The following NOL4 variants were observed in gnomAD, a reference collection of about 807,000 sequenced individuals.
NOL4 encodes the protein nucleolar protein 4, also known as cancer/testis antigen 125.
In NOL4, 17 loss-of-function variants were observed where a neutral mutation model predicts 75.9. That is an observed-to-expected ratio of 0.22 (90% confidence interval 0.15 to 0.34). The LOEUF (loss-of-function observed/expected upper bound fraction) is 0.34. Among genes scored for constraint, NOL4 ranks in the 10% least tolerant of loss-of-function variants. NOL4 has a pLI of 1.00. For missense variants in NOL4, 614 were observed against 793.5 expected, an observed-to-expected ratio of 0.77 and a Z score of 2.72; for synonymous variants, 292 against 289.9, an observed-to-expected ratio of 1.01 and a Z score of -0.07.
intron 5 of NOL4, among the ~76,000 whole-genome samples, chr18:34,030,649 C>T (rs376646429): frequency 2.0e-5 from 3 of 151,928 alleles, no homozygotes; most frequent in African/African-American, 7.3e-5. Flanking sequence ...TTTTCTGTAC[C>T]ACTTTGGATT....
Position 33,883,337 on chromosome 18 carries a change from C to T in NOL4, c.1630G>A (p.Val544Met), listed in dbSNP as rs376717934. The T allele has an allele frequency of 8.7e-6, 14 of 1,613,166 alleles. No individual in the cohort carries two copies. Among genetic ancestry groups the T allele is most frequent in the Admixed American group, 1.7e-5 (1 of 59,892 alleles). Residue 544 changes from valine (V) to methionine (M), a missense_variant, in exon 10 of 11, where the codon GTG becomes ATG. This residue lies in a region of NOL4 where 128 missense variants were observed against 159.9 expected (regional missense o/e 0.80). Transcript: ENST00000261592. ...STSAVPGSQD[V>M]LYINGNGTYS... ...GTCCCATTTCCATTGATGTACAGCA[C>T]GTCCTGTGAGCCTGGAACAGCTGAT...
chr18:34,163,507 T>C (rs567603335), intron 1 of NOL4, among the ~76,000 whole-genome samples: 47 of 152,008 alleles, frequency 3.1e-4, no homozygotes, highest in Non-Finnish European at 6.2e-4. Context: ...TCAAAGAGAA[T>C]AAAATACCTA....
intron 1 of NOL4, among the ~76,000 whole-genome samples, chr18:34,180,426 C>G (rs1370123841): frequency 6.6e-6 from 1 of 151,430 alleles, no homozygotes; most frequent in East Asian, 1.9e-4. Context: ...TGAGAAAAAT[C>G]CAACATGCTT....
At chr18:34,103,298 T>C (rs2079124740) in intron 4 of NOL4, among the ~76,000 whole-genome samples, 1 of 152,060 alleles carries the variant, frequency 6.6e-6, no homozygotes, top group African/African-American at 2.4e-5. Context: ...GCACCTATTG[T>C]ATATCTGCTA....
At chr18:34,191,879 C>T (rs970799118) in intron 1 of NOL4, among the ~76,000 whole-genome samples, 5 of 152,102 alleles carry the variant, frequency 3.3e-5, no homozygotes, top group African/African-American at 1.2e-4. Context: ...GTATATTTGT[C>T]TAATTTACCC....
intron 6 of NOL4, among the ~76,000 whole-genome samples, chr18:33,988,861 C>T (rs535642224): frequency 6.6e-6 from 1 of 152,012 alleles, no homozygotes; most frequent in Admixed American, 6.6e-5. Context: ...GAACCAAGTA[C>T]AATTTGGAAA....
intron 1 of NOL4, among the ~76,000 whole-genome samples, chr18:34,167,906 G>A (rs754048512): frequency 4.6e-5 from 7 of 151,936 alleles, no homozygotes; most frequent in South Asian, 4.1e-4. Flanking sequence ...CTACATTTTC[G>A]ACAATATCTT....
At chr18:34,200,689 T>C (rs1437490816) in intron 1 of NOL4, among the ~76,000 whole-genome samples, 1 of 151,734 alleles carries the variant, frequency 6.6e-6, no homozygotes. Flanking sequence ...ATGCAGGGCA[T>C]ACACTTAGGC....
chr18:34,068,439 C>T (rs568649177), intron 5 of NOL4, among the ~76,000 whole-genome samples: 1 of 152,038 alleles, frequency 6.6e-6, no homozygotes, highest in East Asian at 1.9e-4. Flanking sequence ...CTCACTCCGT[C>T]GCCAGGCTGG....
At chr18:33,989,186 T>G (rs1669430068) in intron 6 of NOL4, among the ~76,000 whole-genome samples, 1 of 62,442 alleles carries the variant, frequency 1.6e-5, no homozygotes, top group African/African-American at 7.7e-5. Context: ...AGACCCCATC[T>G]CTACAAAAAA....
At chr18:34,118,990 C>T (rs977433915) in intron 2 of NOL4, among the ~76,000 whole-genome samples, 3 of 152,082 alleles carry the variant, frequency 2.0e-5, no homozygotes, top group African/African-American at 7.2e-5. Context: ...CAATATGGTT[C>T]TACAGCATTA....
chr18:34,040,805 C>T (rs910355127), intron 5 of NOL4, among the ~76,000 whole-genome samples: 1 of 151,854 alleles, frequency 6.6e-6, no homozygotes, highest in African/African-American at 2.4e-5. Flanking sequence ...ATTGATACAG[C>T]CCAGAATTCA....
intron 1 of NOL4, among the ~76,000 whole-genome samples, chr18:34,187,494 A>G (rs910680994): frequency 6.8e-5 from 10 of 147,764 alleles, no homozygotes; most frequent in African/African-American, 1.0e-4. Context: ...CTCCTGCCTC[A>G]GCCTCCCGCG....
intron 1 of NOL4, among the ~76,000 whole-genome samples, chr18:34,218,402 A>G (rs1489153824): frequency 1.3e-5 from 2 of 152,168 alleles, no homozygotes; most frequent in African/African-American, 4.8e-5. Flanking sequence ...AAAAATAAAA[A>G]ACTGGTATCT....
intron 6 of NOL4, among the ~76,000 whole-genome samples, chr18:33,977,794 G>A (rs1190918347): frequency 6.6e-6 from 1 of 152,126 alleles, no homozygotes; most frequent in East Asian, 1.9e-4. Context: ...TGCAGTTACA[G>A]ACAAAATCCC....
chr18:34,023,371 G>A (rs1007772197), intron 5 of NOL4: 21 of 451,742 alleles, frequency 4.6e-5, no homozygotes, highest in Middle Eastern at 3.3e-4. Context: ...ATTTAAAATC[G>A]CGGATCTCAG....
chr18:34,118,807 T>C (rs1308542758), intron 2 of NOL4, among the ~76,000 whole-genome samples: 2 of 152,136 alleles, frequency 1.3e-5, no homozygotes, highest in Non-Finnish European at 2.9e-5. Context: ...CATTTGTCCA[T>C]GAAAAAGGAT....
intron 6 of NOL4, among the ~76,000 whole-genome samples, chr18:34,007,725 C>T (rs371996341): frequency 2.0e-5 from 3 of 151,930 alleles, no homozygotes; most frequent in African/African-American, 7.2e-5. Context: ...GAAGAATAAA[C>T]ATCATTCATG....
intron 5 of NOL4, among the ~76,000 whole-genome samples, chr18:34,092,064 A>G (rs1714731926): frequency 9.3e-6 from 1 of 107,738 alleles, no homozygotes; most frequent in Non-Finnish European, 2.0e-5. Context: ...TATATTCCCT[A>G]AAATTATATA....
Sources: gnomAD v4.1 joint callset for allele counts (sites outside exome capture counted in the v4.1 genomes callset) on GRCh38, gnomAD v4.1.1 for gene constraint, gnomAD v4.1.1 regional missense constraint, MANE v1.5 for transcripts, NCBI Gene and HGNC (gene_info 2026-07-23, HGNC 2026-07-21) for gene names.